LINGO2: variants seen among roughly 807,000 people sequenced by gnomAD.
LINGO2 encodes the protein leucine rich repeat and Ig domain containing 2.
In LINGO2, 14 loss-of-function variants were observed where a neutral mutation model predicts 30.6. The observed-to-expected ratio is 0.46, with a 90% CI of 0.30 to 0.72. The LOEUF (loss-of-function observed/expected upper bound fraction) is 0.72, where lower values mean the gene tolerates loss of function less well. LINGO2 is among the 30% of genes least tolerant of loss of function. LINGO2 has a pLI of 0.07. For missense variants in LINGO2, 729 were observed against 751.7 expected (o/e 0.97, Z 0.35); for synonymous variants, 317 against 288.5 (o/e 1.10, Z -1.00).
At chr9:28,763,419 T>C in the LINGO2 span, among the ~76,000 whole-genome samples, 8 of 151,950 alleles carry the variant, frequency 5.3e-5, no homozygotes, top group African/African-American at 1.9e-4. Flanking sequence ...GGAAACTAAA[T>C]AACAAACTTT....
chr9:28,228,219 T>C (rs1045957422), intron 4 of LINGO2, among the ~76,000 whole-genome samples: 10 of 152,004 alleles, frequency 6.6e-5, no homozygotes, highest in African/African-American at 2.4e-4. Flanking sequence ...TTTTGAAAGG[T>C]AGGCACCAAA....
the LINGO2 span, among the ~76,000 whole-genome samples, chr9:28,893,409 T>C: frequency 1.3e-5 from 2 of 152,118 alleles, no homozygotes; most frequent in East Asian, 3.9e-4. Context: ...TGAGAAAGTC[T>C]ATTTATTTTT....
intron 1 of LINGO2, among the ~76,000 whole-genome samples, chr9:28,550,726 TAA>T (rs1377916147): frequency 3.3e-5 from 5 of 151,764 alleles, no homozygotes; most frequent in African/African-American, 1.2e-4. Flanking sequence ...AATAGAATAG[TAA>T]ACACCAGTGA....
the LINGO2 span, among the ~76,000 whole-genome samples, chr9:28,962,546 T>G: frequency 2.0e-5 from 3 of 151,976 alleles, no homozygotes; most frequent in East Asian, 5.8e-4. Context: ...TTCTTTATAA[T>G]GTACTGGTAC....
chr9:29,085,278 A>G, the LINGO2 span, among the ~76,000 whole-genome samples: 1 of 97,402 alleles, frequency 1.0e-5, no homozygotes, highest in Non-Finnish European at 2.1e-5. Flanking sequence ...AGCCTATGGT[A>G]AGTAAAAAAA....
the LINGO2 span, among the ~76,000 whole-genome samples, chr9:29,135,154 A>G: frequency 6.6e-6 from 1 of 152,198 alleles, no homozygotes; most frequent in Non-Finnish European, 1.5e-5. Context: ...CATAATTTTC[A>G]TGTATTAATT....
intron 4 of LINGO2, among the ~76,000 whole-genome samples, chr9:28,095,491 A>G (rs1826218247): frequency 6.6e-6 from 1 of 152,106 alleles, no homozygotes. Context: ...TGGTGCTGGG[A>G]AAACTGGCTA....
intron 1 of LINGO2, among the ~76,000 whole-genome samples, chr9:28,636,174 G>T (rs771854200): frequency 9.2e-5 from 14 of 152,118 alleles, no homozygotes; most frequent in Middle Eastern, 3.4e-3. Flanking sequence ...TTATGGCTGC[G>T]TAGTATCCAT....
At chr9:28,216,229 A>C (rs1820761763) in intron 4 of LINGO2, among the ~76,000 whole-genome samples, 1 of 151,932 alleles carries the variant, frequency 6.6e-6, no homozygotes, top group African/African-American at 2.4e-5. Context: ...GTGGCCTCAT[A>C]GTCCACAACC....
rs35393752 is a variant in LINGO2, at chr9:28,665,891, C to CT, written c.-365+4308dup. Among the ~76,000 whole-genome samples, 966 of 132,440 alleles carry CT rather than the reference C, an allele frequency of 7.3e-3. 6 individuals are homozygous for CT. Among genetic ancestry groups the CT allele is most frequent in the Non-Finnish European group, 8.0e-3 (485 of 60,698 alleles). The allele number at this position is 132,440 out of a possible 152,430, so 86.9% of individuals were successfully genotyped here. A position where few individuals can be genotyped will look rare whatever the true frequency, so the allele number is the denominator to read the frequency against. On this transcript the variant is annotated intron_variant, in intron 1 of 5. Coordinates refer to ENST00000379992, the Ensembl canonical transcript of LINGO2. ...ACCAGACCATAGATATTTGGTGTTA[C>CT]TTTTTTTTTTTTTTTTTTGAGATGG... is the stretch of plus-strand genomic sequence containing the variant.
At chr9:28,244,999 CA>C (rs538691854) in intron 4 of LINGO2, among the ~76,000 whole-genome samples, 19 of 151,978 alleles carry the variant, frequency 1.3e-4, no homozygotes, top group Non-Finnish European at 2.2e-4. Flanking sequence ...AGAGACACAA[CA>C]AAAAAAGAAA....
the LINGO2 span, among the ~76,000 whole-genome samples, chr9:28,933,213 T>C: frequency 6.6e-6 from 1 of 152,070 alleles, no homozygotes; most frequent in Non-Finnish European, 1.5e-5. Flanking sequence ...AGCCTACTTA[T>C]CTCATTCCAC....
intron 1 of LINGO2, among the ~76,000 whole-genome samples, chr9:28,525,762 ACGCCATTG>A (rs538272076): frequency 1.1e-3 from 161 of 152,260 alleles, no homozygotes; most frequent in Admixed American, 6.0e-3. Flanking sequence ...GTTTTTTAAA[ACGCCATTG>A]AAGGGCCGGG....
chr9:28,486,327 C>T (rs187754411), intron 1 of LINGO2, among the ~76,000 whole-genome samples: 5 of 152,088 alleles, frequency 3.3e-5, no homozygotes, highest in African/African-American at 9.6e-5. Context: ...AAATGTAGGT[C>T]GTTATGTTTG....
chr9:29,177,113 G>T, the LINGO2 span, among the ~76,000 whole-genome samples: 1 of 152,014 alleles, frequency 6.6e-6, no homozygotes, highest in Admixed American at 6.6e-5. Context: ...AGTTCTTCAG[G>T]ATAAATATTA....
chr9:28,903,534 A>G, the LINGO2 span, among the ~76,000 whole-genome samples: 1 of 152,114 alleles, frequency 6.6e-6, no homozygotes, highest in African/African-American at 2.4e-5. Flanking sequence ...AGAGTGTGGT[A>G]GTGCAATCAA....
At chr9:28,301,095 T>C in intron 3 of LINGO2, among the ~76,000 whole-genome samples, 1 of 152,164 alleles carries the variant, frequency 6.6e-6, no homozygotes, top group Non-Finnish European at 1.5e-5. Flanking sequence ...CAAGTGTATC[T>C]CTTAAATGTA....
the LINGO2 span, among the ~76,000 whole-genome samples, chr9:29,119,471 T>C: frequency 6.6e-6 from 1 of 151,176 alleles, no homozygotes; most frequent in African/African-American, 2.4e-5. Context: ...GAGATAATAA[T>C]AGATATTGAT....
At chr9:28,990,230 G>A in the LINGO2 span, among the ~76,000 whole-genome samples, 302 of 152,316 alleles carry the variant, frequency 2.0e-3, 1 homozygote, top group Middle Eastern at 3.4e-3. Flanking sequence ...AGGGTCCTAC[G>A]CCCACGGAGT....
Sources: gnomAD v4.1 joint callset for allele counts (sites outside exome capture counted in the v4.1 genomes callset) on GRCh38, gnomAD v4.1.1 for gene constraint, MANE v1.5 for transcripts, NCBI Gene and HGNC (gene_info 2026-07-23, HGNC 2026-07-21) for gene names.